AASDHPPT: variants seen among roughly 807,000 people sequenced by gnomAD.
AASDHPPT encodes the protein L-aminoadipate-semialdehyde dehydrogenase-phosphopantetheinyl transferase.
Under a neutral mutation model 36.4 loss-of-function variants are expected in AASDHPPT, and 23 were observed. The ratio of observed to expected loss-of-function variants is 0.63; its 90% CI spans 0.45 to 0.89. The LOEUF is 0.89. AASDHPPT is among the 40% of genes least tolerant of loss of function. The pLI is 0.00. For missense variants in AASDHPPT, 377 were observed against 378.2 expected (o/e 1.00, Z 0.03); for synonymous variants, 115 against 128.0 (o/e 0.90, Z 0.68).
chr11:106,091,295 A>C lies in AASDHPPT; in HGVS notation c.532-21A>C, dbSNP rs199559293. 6 of 1,567,462 alleles carry C rather than the reference A, an allele frequency of 3.8e-6. No individual in the cohort carries two copies. In the African/African-American group the frequency reaches 8.4e-5, roughly 22 times the overall value. On this transcript the variant is annotated intron_variant, in intron 3 of 5. Coordinates refer to ENST00000278618, the MANE Select transcript of AASDHPPT (RefSeq NM_015423.3). ...TTTTTGTCCACCAAATTCTAAGAGA[A>C]AATGTCTTTCTGTATCTTAGGCACT...
chr11:106,096,677 A>G (rs1861317225), intron 5 of AASDHPPT, 66 bp from the exon 6 acceptor site: 1 of 1,300,086 alleles, frequency 7.7e-7, no homozygotes, highest in African/African-American at 1.5e-5. Flanking sequence ...TATTTTCATG[A>G]TTATGAAATT....
rs147946690 is a variant in AASDHPPT, at chr11:106,097,190, C to G, written c.*283C>G. On this transcript the variant is annotated 3_prime_UTR_variant, in exon 6 of 6. Transcript: ENST00000278618. ...GAAAAAAATAGAAAATGCACATAAG[C>G]AAAAGGAAACATTTAAATGCTATCT... 5.0e-3 allele frequency: 1,241 copies of G among 245,910 alleles called. 20 individuals carry two copies. The highest frequency in any genetic ancestry group is 0.026 in the African/African-American group (1,147 of 44,362). 15.2% of individuals were successfully genotyped at this position (245,910 alleles called of 1,614,324 possible). A position where few individuals can be genotyped will look rare whatever the true frequency, so the allele number is the denominator to read the frequency against.
chr11:106,085,882 A>G (rs1173237929), intron 2 of AASDHPPT: 7 of 152,250 alleles, frequency 4.6e-5, no homozygotes, highest in Non-Finnish European at 1.5e-5. Context: ...TGGGAAATCC[A>G]CAGTGCTCCA....
In AASDHPPT at chr11:106,098,595, T is replaced by C. The variant is rs1861344767; in HGVS notation, c.*1688T>C. 1 of 152,040 alleles carries C rather than the reference T, an allele frequency of 6.6e-6. No individual in the cohort carries two copies. The highest frequency in any genetic ancestry group is 2.4e-5 in the African/African-American group (1 of 41,446). The allele number at this position is 152,040 out of a possible 1,614,324, so 9.4% of individuals were successfully genotyped here. On this transcript the variant is annotated 3_prime_UTR_variant, in exon 6 of 6. Coordinates refer to ENST00000278618, the MANE Select transcript of AASDHPPT (RefSeq NM_015423.3). ...GTAAATAAAGGTCAAGTAGCATTTATAATAGAGGAAGTATTGTTATCCCTA... is the reference window on the plus strand; with the variant it reads ...GTAAATAAAGGTCAAGTAGCATTTACAATAGAGGAAGTATTGTTATCCCTA...
intron 2 of AASDHPPT, among the ~76,000 whole-genome samples, chr11:106,086,767 G>A (rs928928922): frequency 6.6e-5 from 10 of 152,158 alleles, no homozygotes; most frequent in Non-Finnish European, 1.0e-4. Flanking sequence ...GTGGACTTGT[G>A]AAAGCAGAAA....
intron 2 of AASDHPPT, among the ~76,000 whole-genome samples, chr11:106,089,064 A>G (rs567604411): frequency 6.6e-6 from 1 of 152,196 alleles, no homozygotes; most frequent in Admixed American, 6.5e-5. Flanking sequence ...CTGTGAAGAT[A>G]AGGACCATGT....
rs1270762995 is a variant in AASDHPPT at position 106,097,858 on chromosome 11, G to T, written c.*951G>T. 6.6e-6 allele frequency: 1 copy of T among 152,134 alleles called. No homozygotes were observed. Among genetic ancestry groups the T allele is most frequent in the African/African-American group, 2.4e-5 (1 of 41,444 alleles). The allele number at this position is 152,134 out of a possible 1,614,324, so 9.4% of individuals were successfully genotyped here. A position where few individuals can be genotyped will look rare whatever the true frequency, so the allele number is the denominator to read the frequency against. ...TGAAGAATGGAATTGGAAGCCCACT[G>T]CCTTCCCATAAGAAAGGTTTACCAT... On this transcript the variant is annotated 3_prime_UTR_variant, in exon 6 of 6. Coordinates refer to ENST00000278618, the MANE Select transcript of AASDHPPT (RefSeq NM_015423.3).
In AASDHPPT at chr11:106,098,022, G is replaced by A. The variant is rs998110957; in HGVS notation, c.*1115G>A. The A allele has an allele frequency of 1.2e-4, 18 of 152,124 alleles. No homozygotes were observed. The highest frequency in any genetic ancestry group is 2.2e-4 in the Non-Finnish European group (15 of 67,996). The allele number at this position is 152,124 out of a possible 1,614,324, so 9.4% of individuals were successfully genotyped here. A position where few individuals can be genotyped will look rare whatever the true frequency, so the allele number is the denominator to read the frequency against. On this transcript the variant is annotated 3_prime_UTR_variant, in exon 6 of 6. Coordinates refer to ENST00000278618, the MANE Select transcript of AASDHPPT (RefSeq NM_015423.3). ...TTGAGAAAGTTTCTAAAAGTGGAAT[G>A]ATTGGTTTGACTGGTTCATAGGGCT...
intron 2 of AASDHPPT, among the ~76,000 whole-genome samples, chr11:106,087,964 C>G (rs1861213076): frequency 6.6e-6 from 1 of 152,116 alleles, no homozygotes. Context: ...TTCCAGTTTC[C>G]TAGGTAAACT....
intron 2 of AASDHPPT, among the ~76,000 whole-genome samples, chr11:106,088,689 A>G (rs1728244736): frequency 6.6e-6 from 1 of 152,082 alleles, no homozygotes; most frequent in African/African-American, 2.4e-5. Context: ...AAAAGTTTTT[A>G]TTGAGGGGCT....
At chr11:106,092,054 C>T (rs1565412254) in intron 4 of AASDHPPT, 1 of 152,234 alleles carries the variant, frequency 6.6e-6, no homozygotes, top group Non-Finnish European at 1.5e-5. Context: ...TCAGTTTTCT[C>T]CCACCCATGT....
chr11:106,077,956 G>A (rs529311333), intron 1 of AASDHPPT, 63 bp downstream of exon 1: 81 of 1,553,766 alleles, frequency 5.2e-5, no homozygotes, highest in Non-Finnish European at 6.1e-5. Context: ...GGCGGGCCGG[G>A]CTGTGGAGAC....
intron 3 of AASDHPPT, among the ~76,000 whole-genome samples, 158 bp downstream of exon 3, chr11:106,090,836 A>G (rs1165450050): frequency 1.3e-5 from 2 of 152,130 alleles, no homozygotes; most frequent in Non-Finnish European, 2.9e-5. Flanking sequence ...ATGGTATTAC[A>G]TTATAATGAC....
intron 2 of AASDHPPT, among the ~76,000 whole-genome samples, chr11:106,084,797 TAG>T (rs1861180753): frequency 6.6e-6 from 1 of 151,874 alleles, no homozygotes; most frequent in Admixed American, 6.6e-5. Context: ...GTATTTTTAG[TAG>T]AGACGGAGTT....
intron 2 of AASDHPPT, among the ~76,000 whole-genome samples, chr11:106,083,921 A>T (rs1861170140): frequency 6.6e-6 from 1 of 152,158 alleles, no homozygotes; most frequent in Non-Finnish European, 1.5e-5. Context: ...AAAAAATTAT[A>T]TTCCAAAAAT....
At chr11:106,087,361 A>C (rs552282014) in intron 2 of AASDHPPT, among the ~76,000 whole-genome samples, 1 of 152,152 alleles carries the variant, frequency 6.6e-6, no homozygotes, top group East Asian at 1.9e-4. Context: ...GTCACTTCTC[A>C]TAGAAGCAAA....
At chr11:106,084,344 ATGC>A (rs1459646261) in intron 2 of AASDHPPT, among the ~76,000 whole-genome samples, 4 of 152,234 alleles carry the variant, frequency 2.6e-5, no homozygotes, top group African/African-American at 9.6e-5. Context: ...CAAAACCTGA[ATGC>A]TGCTAATAGA....
chr11:106,085,696 A>G (rs1861190764), intron 2 of AASDHPPT, among the ~76,000 whole-genome samples: 1 of 152,250 alleles, frequency 6.6e-6, no homozygotes, highest in Non-Finnish European at 1.5e-5. Flanking sequence ...ACATTTAACC[A>G]TGACTTTGAC....
At position 106,096,961 on chromosome 11, in the gene AASDHPPT, A is replaced by C. The variant is rs1272030874; in HGVS notation, c.*54A>C. 5 of 1,474,516 alleles carry C rather than the reference A, an allele frequency of 3.4e-6. No individual in the cohort carries two copies. The highest frequency in any genetic ancestry group is 4.5e-6 in the Non-Finnish European group (5 of 1,104,912). 91.3% of individuals were successfully genotyped at this position (1,474,516 alleles called of 1,614,324 possible). Reference sequence around the variant, plus strand: ...AAACTGTTTGTGATCTTCCGTATTCACTGAAAAATAAATGCTTGTTTAGTA... The same window carrying C: ...AAACTGTTTGTGATCTTCCGTATTCCCTGAAAAATAAATGCTTGTTTAGTA... On this transcript the variant is annotated 3_prime_UTR_variant, in exon 6 of 6. Transcript: ENST00000278618.
Sources: allele counts gnomAD v4.1 joint callset (sites outside exome capture counted in the v4.1 genomes callset), GRCh38; gene constraint gnomAD v4.1.1; transcripts MANE v1.5; gene names NCBI Gene and HGNC (gene_info 2026-07-23, HGNC 2026-07-21).